FAT3: variants seen among roughly 807,000 people sequenced by gnomAD.
FAT3 encodes the protein protocadherin Fat 3.
In FAT3, 95 loss-of-function variants were observed where a neutral mutation model predicts 310.2. The observed-to-expected ratio is 0.31, with a 90% CI of 0.26 to 0.36. The LOEUF (loss-of-function observed/expected upper bound fraction) is 0.36. Among genes scored for constraint, FAT3 ranks in the 10% least tolerant of loss-of-function variants. The pLI is 1.00. For missense variants in FAT3, 5,408 were observed against 5,715.6 expected, an observed-to-expected ratio of 0.95 and a Z score of 1.74; for synonymous variants, 2,314 against 2,192.9, an observed-to-expected ratio of 1.06 and a Z score of -1.54.
chr11:92,747,671 C>T (rs1406231366), intron 4 of FAT3, among the ~76,000 whole-genome samples: 1 of 152,200 alleles, frequency 6.6e-6, no homozygotes, highest in Non-Finnish European at 1.5e-5. Flanking sequence ...GCTCTGCTTC[C>T]TCTGGAATGT....
intron 3 of FAT3, among the ~76,000 whole-genome samples, chr11:92,649,907 A>G (rs1381054017): frequency 2.9e-5 from 3 of 101,702 alleles, no homozygotes; most frequent in Admixed American, 9.7e-5. Context: ...ATATATATAT[A>G]TATATATATG....
intron 3 of FAT3, among the ~76,000 whole-genome samples, chr11:92,691,801 A>C (rs1243010547): frequency 6.6e-6 from 1 of 152,190 alleles, no homozygotes; most frequent in Non-Finnish European, 1.5e-5. Context: ...CTGAAATTTC[A>C]GAGTTAGAGG....
At chr11:92,334,381 A>C (rs1947999957) in intron 1 of FAT3, among the ~76,000 whole-genome samples, 1 of 152,102 alleles carries the variant, frequency 6.6e-6, no homozygotes, top group Admixed American at 6.5e-5. Context: ...TCTCAATAAA[A>C]AGGGAGAATA....
intron 4 of FAT3, among the ~76,000 whole-genome samples, chr11:92,716,780 G>C (rs1305643179): frequency 6.6e-6 from 1 of 152,224 alleles, no homozygotes; most frequent in African/African-American, 2.4e-5. Context: ...AATCTAAAGA[G>C]AGATTCATTT....
intron 3 of FAT3, among the ~76,000 whole-genome samples, chr11:92,655,188 A>G (rs1331052783): frequency 6.6e-6 from 1 of 151,580 alleles, no homozygotes; most frequent in Non-Finnish European, 1.5e-5. Flanking sequence ...TCTGGCCTGT[A>G]TCACTATCTA....
intron 3 of FAT3, among the ~76,000 whole-genome samples, chr11:92,616,838 G>T (rs1940835757): frequency 6.6e-6 from 1 of 152,164 alleles, no homozygotes; most frequent in African/African-American, 2.4e-5. Flanking sequence ...TTTCTGCCGA[G>T]AGATCTGCTG....
chr11:92,595,374 T>A (rs1052926647), intron 3 of FAT3, among the ~76,000 whole-genome samples: 1 of 152,174 alleles, frequency 6.6e-6, no homozygotes, highest in African/African-American at 2.4e-5. Context: ...TCTGTTGAAT[T>A]GAGCACAGGG....
intron 1 of FAT3, among the ~76,000 whole-genome samples, chr11:92,321,232 C>T (rs1340727580): frequency 2.0e-5 from 3 of 151,864 alleles, no homozygotes; most frequent in African/African-American, 4.8e-5. Context: ...GTCAGGAGAT[C>T]GAGACCATCC....
intron 3 of FAT3, among the ~76,000 whole-genome samples, chr11:92,653,336 G>T (rs1230414926): frequency 6.6e-6 from 1 of 152,040 alleles, no homozygotes; most frequent in Non-Finnish European, 1.5e-5. Flanking sequence ...CTGTGTCCTG[G>T]TGGCACTTTC....
chr11:92,759,192 G>T (rs1252400238), intron 4 of FAT3, among the ~76,000 whole-genome samples: 1 of 152,136 alleles, frequency 6.6e-6, no homozygotes, highest in African/African-American at 2.4e-5. Context: ...AGAAGGTTTT[G>T]CAAGGTGAGA....
chr11:92,297,196 G>A (rs907599815), intron 1 of FAT3, among the ~76,000 whole-genome samples: 1 of 152,046 alleles, frequency 6.6e-6, no homozygotes, highest in Non-Finnish European at 1.5e-5. Flanking sequence ...TTAAATTCCT[G>A]TTCTCCTCCA....
intron 10 of FAT3, among the ~76,000 whole-genome samples, chr11:92,804,920 A>G (rs1383764547): frequency 6.6e-6 from 1 of 152,200 alleles, no homozygotes; most frequent in Non-Finnish European, 1.5e-5. Context: ...CAGCTTCTCT[A>G]AGTGGATTTT....
intron 1 of FAT3, among the ~76,000 whole-genome samples, chr11:92,303,253 G>A (rs1164567220): frequency 6.6e-6 from 1 of 151,952 alleles, no homozygotes; most frequent in Non-Finnish European, 1.5e-5. Flanking sequence ...TTTTAAATTT[G>A]GAGGTACCAT....
chr11:92,728,801 A>G (rs1945080586), intron 4 of FAT3, among the ~76,000 whole-genome samples: 1 of 151,732 alleles, frequency 6.6e-6, no homozygotes, highest in South Asian at 2.1e-4. Flanking sequence ...CATCCCTCTA[A>G]TCTCTGTTTC....
intron 1 of FAT3, among the ~76,000 whole-genome samples, chr11:92,285,017 G>A (rs1026925727): frequency 6.6e-6 from 1 of 152,170 alleles, no homozygotes; most frequent in African/African-American, 2.4e-5. Flanking sequence ...GACATTATAG[G>A]TATTATTTTT....
chr11:92,645,554 T>C (rs1942125753), intron 3 of FAT3, among the ~76,000 whole-genome samples: 1 of 152,200 alleles, frequency 6.6e-6, no homozygotes. Flanking sequence ...ATGTGTTGTT[T>C]ATAAACCTCT....
chr11:92,376,365 T>C (rs1025284375), intron 2 of FAT3, among the ~76,000 whole-genome samples: 5 of 152,186 alleles, frequency 3.3e-5, no homozygotes, highest in African/African-American at 7.2e-5. Flanking sequence ...TTGTCTGATA[T>C]CAGTTCTGGT....
chr11:92,828,918 G>T (rs1279635157), intron 13 of FAT3, among the ~76,000 whole-genome samples: 2 of 152,190 alleles, frequency 1.3e-5, no homozygotes, highest in African/African-American at 4.8e-5. Flanking sequence ...TTGTGTCTCA[G>T]TGAAGGAAAC....
intron 1 of FAT3, among the ~76,000 whole-genome samples, chr11:92,280,381 G>A (rs1946390504): frequency 1.3e-5 from 2 of 152,166 alleles, no homozygotes; most frequent in Admixed American, 1.3e-4. Context: ...AATTGAAAAG[G>A]TGTACTTTGA....
Sources: gnomAD v4.1 joint callset for allele counts (sites outside exome capture counted in the v4.1 genomes callset) on GRCh38, gnomAD v4.1.1 for gene constraint, MANE v1.5 for transcripts, NCBI Gene and HGNC (gene_info 2026-07-23, HGNC 2026-07-21) for gene names.